CCPG1: variants seen among roughly 807,000 people sequenced by gnomAD.
CCPG1 encodes the protein cell cycle progression protein 1.
Under a neutral mutation model 81.3 loss-of-function variants are expected in CCPG1, and 46 were observed. That is an observed-to-expected ratio of 0.57 (90% CI 0.45 to 0.72). The LOEUF (loss-of-function observed/expected upper bound fraction) is 0.72, where lower values mean the gene tolerates loss of function less well. Ranked by LOEUF, CCPG1 falls within the 30% of genes least tolerant of loss-of-function variation. The pLI is 0.00. For synonymous variants in CCPG1, 330 were observed against 305.2 expected (o/e 1.08, Z -0.85); for missense variants, 902 against 937.6 (o/e 0.96, Z 0.50).
At chr15:55,361,060 C>A in intron 7 of CCPG1, 116 bp from the exon 8 acceptor site, 1 of 1,109,616 alleles carries the variant, frequency 9.0e-7, no homozygotes, top group East Asian at 2.8e-5. Flanking sequence ...ACAGATACAA[C>A]CCCCCGGGTA....
At chr15:55,396,755 C>A (rs543170941) in intron 1 of CCPG1, among the ~76,000 whole-genome samples, 1 of 152,194 alleles carries the variant, frequency 6.6e-6, no homozygotes, top group Non-Finnish European at 1.5e-5. Context: ...TATATGTGAG[C>A]AAAGATTTGA....
At chr15:55,401,139 T>C (rs1049415483) in intron 1 of CCPG1, among the ~76,000 whole-genome samples, 5 of 152,222 alleles carry the variant, frequency 3.3e-5, no homozygotes, top group African/African-American at 9.6e-5. Context: ...TTTTTTTTCT[T>C]TTGGTGTGAA....
intron 3 of CCPG1, among the ~76,000 whole-genome samples, chr15:55,381,906 T>C (rs993539159): frequency 6.6e-6 from 1 of 152,206 alleles, no homozygotes; most frequent in Non-Finnish European, 1.5e-5. Flanking sequence ...ATAAAGCAAG[T>C]CACATGAATT....
Position 55,357,558 on chromosome 15 carries a change from A to G in CCPG1, c.2235-1149T>C, listed in dbSNP as rs866024577. 1.2e-5 allele frequency: 6 copies of G among 491,796 alleles called. No homozygotes were observed. The South Asian group carries it at 4.4e-4, about 36-fold the overall frequency. 30.5% of individuals were successfully genotyped at this position (491,796 alleles called of 1,614,324 possible). A position where few individuals can be genotyped will look rare whatever the true frequency, so the allele number is the denominator to read the frequency against. ...AAATAGAAAATTTCAGAAATAATTC[A>G]TCAGTTTTAGGCGGGGTACAGTGGC... On this transcript the variant is annotated intron_variant, in intron 8 of 8. Coordinates refer to ENST00000442196, the MANE Select transcript of CCPG1 (RefSeq NM_001204450.2).
intron 2 of CCPG1, among the ~76,000 whole-genome samples, chr15:55,387,504 C>G (rs894536265): frequency 2.6e-5 from 4 of 151,990 alleles, no homozygotes; most frequent in African/African-American, 9.7e-5. Context: ...AACATAACTA[C>G]CTGAACCTTA....
At chr15:55,391,907 T>G (rs1276498287) in intron 1 of CCPG1, among the ~76,000 whole-genome samples, 30 of 108,706 alleles carry the variant, frequency 2.8e-4, no homozygotes, top group East Asian at 8.1e-4. Context: ...GGGCTAGGTG[T>G]GGTAGCTCAC....
At chr15:55,374,059 C>A in intron 5 of CCPG1, 1 of 591,754 alleles carries the variant, frequency 1.7e-6, no homozygotes, top group Non-Finnish European at 2.7e-6. Flanking sequence ...TAGAGTATTG[C>A]GGATGACAAC....
chr15:55,385,596 T>C lies in CCPG1; in HGVS notation c.175+4A>G. 6.7e-7 allele frequency: 1 copy of C among 1,499,226 alleles called. No individual in the cohort carries two copies. The highest frequency in any genetic ancestry group is 2.3e-5 in the East Asian group (1 of 43,976). 92.9% of individuals were successfully genotyped at this position (1,499,226 alleles called of 1,614,324 possible). ...AAAAAAATTAGAATTTGTGAACAAC[T>C]TACCTCCTTGCTCTATCTGCAATGC... On this transcript the variant is annotated splice_donor_region_variant and intron_variant, in intron 3 of 8. Transcript: ENST00000442196.
At chr15:55,376,505 G>A (rs2056569019) in intron 5 of CCPG1, among the ~76,000 whole-genome samples, 1 of 152,156 alleles carries the variant, frequency 6.6e-6, no homozygotes. Context: ...CATATGGTAG[G>A]TACTCAATAA....
intron 6 of CCPG1, among the ~76,000 whole-genome samples, chr15:55,365,531 G>A (rs569961658): frequency 1.2e-4 from 18 of 148,608 alleles, no homozygotes; most frequent in Admixed American, 4.1e-4. Context: ...AGCAATTCTC[G>A]TGACTCAGCT....
At chr15:55,373,493 A>C (rs1461099821) in intron 5 of CCPG1, among the ~76,000 whole-genome samples, 1 of 152,206 alleles carries the variant, frequency 6.6e-6, no homozygotes, top group African/African-American at 2.4e-5. Context: ...CAAAGACAGA[A>C]GGCACTACTG....
chr15:55,377,336 C>T (rs550067975), intron 4 of CCPG1, among the ~76,000 whole-genome samples, 186 bp from the exon 5 acceptor site: 1 of 152,292 alleles, frequency 6.6e-6, no homozygotes, highest in South Asian at 2.1e-4. Context: ...CATCAGATCC[C>T]TTGACAACTC....
intron 3 of CCPG1, among the ~76,000 whole-genome samples, chr15:55,382,944 T>C (rs902514879): frequency 2.3e-4 from 35 of 152,332 alleles, no homozygotes; most frequent in African/African-American, 7.9e-4. Flanking sequence ...TGTTGATATT[T>C]TGACCTTTTC....
intron 1 of CCPG1, among the ~76,000 whole-genome samples, chr15:55,392,111 A>T (rs73406921): frequency 6.6e-6 from 1 of 151,330 alleles, no homozygotes; most frequent in Non-Finnish European, 1.5e-5. Flanking sequence ...CACAGGAAAA[A>T]CAAAGGCAGA....
At chr15:55,401,665 CAAAAA>C (rs59999532) in intron 1 of CCPG1, among the ~76,000 whole-genome samples, 1 of 138,314 alleles carries the variant, frequency 7.2e-6, no homozygotes, top group African/African-American at 2.6e-5. Flanking sequence ...AACTCCGTCT[CAAAAA>C]AAAAAAAAAA....
intron 1 of CCPG1, among the ~76,000 whole-genome samples, chr15:55,393,973 A>T (rs1468039668): frequency 1.3e-5 from 2 of 152,136 alleles, no homozygotes; most frequent in Non-Finnish European, 2.9e-5. Flanking sequence ...ATTTTCAATA[A>T]ATCTCTGACT....
intron 6 of CCPG1, among the ~76,000 whole-genome samples, chr15:55,370,847 G>T (rs1423746739): frequency 1.5e-5 from 2 of 137,746 alleles, no homozygotes; most frequent in Non-Finnish European, 3.0e-5. Context: ...CTGGACTCCA[G>T]CCTGGGCGAC....
At chr15:55,379,032 A>C (rs2056623785) in intron 3 of CCPG1, among the ~76,000 whole-genome samples, 1 of 151,928 alleles carries the variant, frequency 6.6e-6, no homozygotes, top group Non-Finnish European at 1.5e-5. Context: ...CTAGTGATAC[A>C]TTTCCTGAAT....
chr15:55,369,107 G>C (rs1332830542), intron 6 of CCPG1, among the ~76,000 whole-genome samples: 2 of 142,758 alleles, frequency 1.4e-5, no homozygotes, highest in Non-Finnish European at 3.0e-5. Flanking sequence ...GCAAGACTCT[G>C]TCTCAAAAAA....
Sources: allele counts gnomAD v4.1 joint callset (sites outside exome capture counted in the v4.1 genomes callset), GRCh38; gene constraint gnomAD v4.1.1; transcripts MANE v1.5; gene names NCBI Gene and HGNC (gene_info 2026-07-23, HGNC 2026-07-21).